The following LRRC4C variants were observed in gnomAD, a reference collection of about 807,000 sequenced individuals.
LRRC4C encodes leucine rich repeat containing 4C, also known as leucine-rich repeat-containing protein 4C.
In LRRC4C, 5 loss-of-function variants were observed where a neutral mutation model predicts 33.6. The ratio of observed to expected loss-of-function variants is 0.15; its 90% CI spans 0.08 to 0.31. The LOEUF (loss-of-function observed/expected upper bound fraction) is 0.31. Among genes scored for constraint, LRRC4C ranks in the 10% least tolerant of loss-of-function variants. LRRC4C has a pLI of 1.00. For missense variants in LRRC4C, 560 were observed against 796.7 expected (o/e 0.70, Z 3.58); for synonymous variants, 329 against 302.0 (o/e 1.09, Z -0.93).
At chr11:41,350,509 C>CAAAAA (rs71063914) in intron 1 of LRRC4C, among the ~76,000 whole-genome samples, 10 of 106,448 alleles carry the variant, frequency 9.4e-5, no homozygotes, top group South Asian at 3.1e-4. Flanking sequence ...GACTCCATCT[C>CAAAAA]AAAAAAAAAA....
intron 5 of LRRC4C, among the ~76,000 whole-genome samples, chr11:40,218,096 AT>A (rs1412186873): frequency 6.6e-6 from 1 of 152,164 alleles, no homozygotes; most frequent in Non-Finnish European, 1.5e-5. Flanking sequence ...GTGAGATGAA[AT>A]TCAAGATAGA....
chr11:41,338,559 G>C (rs951148922), intron 1 of LRRC4C, among the ~76,000 whole-genome samples: 1 of 152,050 alleles, frequency 6.6e-6, no homozygotes, highest in African/African-American at 2.4e-5. Context: ...GGTGAGGAGG[G>C]AGAGCATCAG....
chr11:40,334,878 C>T (rs1039935927), intron 3 of LRRC4C, among the ~76,000 whole-genome samples: 1 of 152,154 alleles, frequency 6.6e-6, no homozygotes. Context: ...TATAGGATAA[C>T]AGCGATCTGG....
At chr11:40,747,346 C>T (rs558184031) in intron 2 of LRRC4C, among the ~76,000 whole-genome samples, 230 of 152,244 alleles carry the variant, frequency 1.5e-3, no homozygotes, top group Non-Finnish European at 1.7e-3. Flanking sequence ...GGCAGATACC[C>T]AGAATCAAAG....
rs529859064 is a variant in LRRC4C, at chr11:40,867,693, C to T, written c.-407+65942G>A. On this transcript the variant is annotated intron_variant, in intron 2 of 6. Coordinates refer to ENST00000528697, the MANE Select transcript of LRRC4C (RefSeq NM_001258419.2). ...TGAGATTTTATTCAGGGCCTTCCGTCAATATACTTATGATGCTAAGACGGA... is the reference window on the plus strand; with the variant it reads ...TGAGATTTTATTCAGGGCCTTCCGTTAATATACTTATGATGCTAAGACGGA... Among the ~76,000 whole-genome samples, 15 of 152,162 alleles carry T rather than the reference C, an allele frequency of 9.9e-5. No homozygotes were observed. The South Asian group carries it at 3.1e-3, about 32-fold the overall frequency.
chr11:40,487,010 C>T (rs773842204), intron 3 of LRRC4C, among the ~76,000 whole-genome samples: 70 of 151,946 alleles, frequency 4.6e-4, no homozygotes, highest in Non-Finnish European at 1.0e-4. Context: ...TAGGGGAAGC[C>T]GATAGGGTTA....
intron 2 of LRRC4C, among the ~76,000 whole-genome samples, chr11:40,753,289 A>G (rs1948787537): frequency 6.6e-6 from 1 of 151,956 alleles, no homozygotes; most frequent in Non-Finnish European, 1.5e-5. Context: ...ATAAGAGAGG[A>G]CTTGAACACA....
chr11:40,537,059 C>G (rs79951088), intron 3 of LRRC4C, among the ~76,000 whole-genome samples: 3,296 of 152,174 alleles, frequency 0.022, 118 homozygotes, highest in African/African-American at 0.06. Flanking sequence ...TGAACCCTGT[C>G]AAAATATGAG....
At chr11:41,216,705 A>G (rs1376964997) in intron 1 of LRRC4C, among the ~76,000 whole-genome samples, 1 of 152,194 alleles carries the variant, frequency 6.6e-6, no homozygotes, top group Non-Finnish European at 1.5e-5. Flanking sequence ...ATAAATCCAG[A>G]TTCTTCAAGT....
chr11:40,887,070 T>A (rs1370889183), intron 2 of LRRC4C, among the ~76,000 whole-genome samples: 16 of 151,510 alleles, frequency 1.1e-4, no homozygotes, highest in Non-Finnish European at 7.4e-5. Flanking sequence ...ACCAAGTCTT[T>A]ACTTAGAATA....
chr11:40,552,524 A>T (rs1957166432), intron 3 of LRRC4C, among the ~76,000 whole-genome samples: 1 of 152,106 alleles, frequency 6.6e-6, no homozygotes, highest in Non-Finnish European at 1.5e-5. Context: ...TCAGAACCCT[A>T]CTCAATGATG....
Position 40,525,796 on chromosome 11 carries a change from A to G in LRRC4C, c.-270+122346T>C, listed in dbSNP as rs1184570339. Reference sequence around the variant, plus strand: ...TGCACATACCAAGCCAACAATAAAGAAAACAAAACTGTAGGAAATATACTC... The same window carrying G: ...TGCACATACCAAGCCAACAATAAAGGAAACAAAACTGTAGGAAATATACTC... On this transcript the variant is annotated intron_variant, in intron 3 of 6. Coordinates refer to ENST00000528697, the MANE Select transcript of LRRC4C (RefSeq NM_001258419.2). Among the ~76,000 whole-genome samples the G allele has an allele frequency of 2.0e-5, 3 of 152,286 alleles. No homozygotes were observed. The East Asian group carries it at 5.8e-4, about 29-fold the overall frequency.
chr11:41,030,502 C>G (rs1856656312), intron 1 of LRRC4C, among the ~76,000 whole-genome samples: 1 of 151,830 alleles, frequency 6.6e-6, no homozygotes, highest in Admixed American at 6.6e-5. Context: ...TTTCACAACA[C>G]CAGAGACCTT....
intron 1 of LRRC4C, among the ~76,000 whole-genome samples, chr11:41,099,337 C>T (rs493089): frequency 0.96 from 145,159 of 151,400 alleles, 69,904 homozygotes; most frequent in East Asian, 1. Flanking sequence ...AGTCATTCTA[C>T]GAGGCCAGCA....
chr11:41,132,227 C>T lies in LRRC4C; in HGVS notation c.-495-198504G>A, dbSNP rs1258734977. On this transcript the variant is annotated intron_variant, in intron 1 of 6. Transcript: ENST00000528697. ...ATGAGTGGTGTTATCATAACATCTC[C>T]AGGCTAGTTCTTTGTGGATGCTGAG... is the stretch of plus-strand genomic sequence containing the variant. Among the ~76,000 whole-genome samples the T allele has an allele frequency of 5.9e-5, 9 of 152,104 alleles. 2 individuals are homozygous for T. Among genetic ancestry groups the T allele is most frequent in the African/African-American group, 4.8e-5 (2 of 41,508 alleles).
chr11:40,563,314 A>C (rs1037053758), intron 3 of LRRC4C, among the ~76,000 whole-genome samples: 3 of 152,156 alleles, frequency 2.0e-5, no homozygotes, highest in African/African-American at 4.8e-5. Flanking sequence ...GCCCAAAGTC[A>C]TGGACTCATT....
chr11:40,471,291 C>T (rs1952922442), intron 3 of LRRC4C, among the ~76,000 whole-genome samples: 1 of 152,136 alleles, frequency 6.6e-6, no homozygotes, highest in South Asian at 2.1e-4. Flanking sequence ...AACTAAACTT[C>T]ATAAGCGAAG....
intron 1 of LRRC4C, among the ~76,000 whole-genome samples, chr11:41,053,856 A>G (rs999383306): frequency 1.1e-4 from 17 of 152,202 alleles, no homozygotes; most frequent in African/African-American, 3.9e-4. Context: ...ACTCAAAAAT[A>G]TATTCAGTGC....
chr11:40,411,933 TG>T (rs1480374940), intron 3 of LRRC4C, among the ~76,000 whole-genome samples: 3 of 152,060 alleles, frequency 2.0e-5, no homozygotes, highest in Non-Finnish European at 4.4e-5. Context: ...GTTCTAATAC[TG>T]TTCTCATTTT....
Sources: allele counts gnomAD v4.1 joint callset (sites outside exome capture counted in the v4.1 genomes callset), GRCh38; gene constraint gnomAD v4.1.1; transcripts MANE v1.5; gene names NCBI Gene and HGNC (gene_info 2026-07-23, HGNC 2026-07-21).